Variants in ANKFN1 observed in about 807,000 individuals in gnomAD.
The protein encoded by ANKFN1 is ankyrin repeat and fibronectin type-III domain-containing protein 1.
In ANKFN1, 74 loss-of-function variants were observed where a neutral mutation model predicts 108.7. That is an observed-to-expected ratio of 0.68 (90% CI 0.56 to 0.83). The LOEUF is 0.83. ANKFN1 is among the 40% of genes least tolerant of loss of function. The probability of loss-of-function intolerance (pLI) is 0.00; values close to 1 mark genes in which losing one functional copy is unlikely to be tolerated. For missense variants in ANKFN1, 1,505 were observed against 1,382.3 expected (o/e 1.09, Z -1.41); for synonymous variants, 547 against 516.2 (o/e 1.06, Z -0.81).
At chr17:56,467,625 C>T (rs568210695) in intron 15 of ANKFN1, among the ~76,000 whole-genome samples, 84 of 144,992 alleles carry the variant, frequency 5.8e-4, no homozygotes, top group Middle Eastern at 3.6e-3. Context: ...TGCAGTGAGC[C>T]GAGATCACGC....
intron 4 of ANKFN1, among the ~76,000 whole-genome samples, chr17:56,090,174 T>A (rs1334300954): frequency 1.1e-4 from 16 of 151,186 alleles, no homozygotes; most frequent in Admixed American, 1.1e-3. Flanking sequence ...GGGCAGAGCA[T>A]GTCACGGAGT....
chr17:56,511,134 G>C lies in ANKFN1; in HGVS notation c.3306G>C (p.Gln1102His). ...VEPYAAAVVA[Q>H]DEKPWASLSP... ...CCTACGCAGCGGCCGTGGTGGCCCA[G>C]GACGAAAAACCATGGGCAAGCTTGA... Residue 1102 changes from glutamine (Q) to histidine (H), a missense_variant, in exon 21 of 21, where the codon CAG becomes CAC. Physicochemically the swap from Gln to His is conservative, Grantham distance 24 (BLOSUM62 0). Transcript: ENST00000682825. 1 of 1,536,036 alleles carries C rather than the reference G, an allele frequency of 6.5e-7. No individual in the cohort carries two copies. The highest frequency in any genetic ancestry group is 8.7e-7 in the Non-Finnish European group (1 of 1,146,864).
chr17:56,259,919 C>A lies in ANKFN1; in HGVS notation c.53+31962C>A, dbSNP rs557803023. On this transcript the variant is annotated intron_variant, in intron 3 of 20. Coordinates refer to ENST00000682825, the MANE Select transcript of ANKFN1 (RefSeq NM_001370326.1). ...CCCACCCCACCTCCAAACACACACA[C>A]ACACACACACACACACACACACACA... Among the ~76,000 whole-genome samples, 62 of 150,870 alleles carry A rather than the reference C, an allele frequency of 4.1e-4. 1 individual carries two copies. The South Asian group carries it at 0.012, about 29-fold the overall frequency.
At chr17:56,249,458 A>G (rs2043188736) in intron 3 of ANKFN1, among the ~76,000 whole-genome samples, 1 of 152,038 alleles carries the variant, frequency 6.6e-6, no homozygotes, top group South Asian at 2.1e-4. Context: ...AAAAAAGTCA[A>G]ATTAATTTCT....
chr17:56,311,455 C>T (rs2045023566), intron 3 of ANKFN1, among the ~76,000 whole-genome samples: 1 of 152,172 alleles, frequency 6.6e-6, no homozygotes, highest in African/African-American at 2.4e-5. Context: ...TTTTCAGTGC[C>T]AATGTGATGC....
intron 19 of ANKFN1, among the ~76,000 whole-genome samples, chr17:56,495,443 G>A (rs1186340547): frequency 6.6e-6 from 1 of 152,032 alleles, no homozygotes. Context: ...AGAAGTGACC[G>A]CCAGTTGTGA....
In ANKFN1 at chr17:56,421,084, G is replaced by A. The variant is rs77835547; in HGVS notation, c.911-19243G>A. Among the ~76,000 whole-genome samples the A allele has an allele frequency of 6.3e-3, 962 of 152,270 alleles. 17 individuals are homozygous for A. Among genetic ancestry groups the A allele is most frequent in the African/African-American group, 0.022 (894 of 41,558 alleles). ...TAATTAAAATACAAAAATGAAAATG[G>A]TCTCAGGGCCTGTTTCTGCCCTTAC... On this transcript the variant is annotated intron_variant, in intron 8 of 20. Transcript: ENST00000682825.
chr17:56,273,399 G>C lies in ANKFN1; in HGVS notation c.53+45442G>C, dbSNP rs149657790. Among the ~76,000 whole-genome samples the C allele has an allele frequency of 6.6e-3, 1,008 of 152,076 alleles. 14 individuals carry two copies. The highest frequency in any genetic ancestry group is 0.023 in the African/African-American group (959 of 41,480). On this transcript the variant is annotated intron_variant, in intron 3 of 20. Coordinates refer to ENST00000682825, the MANE Select transcript of ANKFN1 (RefSeq NM_001370326.1). ...TTTTTACTATTATAAATAATGTGCT[G>C]ACACACAAATCTTTGTCTGAATTTT...
At chr17:56,368,039 G>T in intron 6 of ANKFN1, 1 of 411,852 alleles carries the variant, frequency 2.4e-6, no homozygotes, top group Non-Finnish European at 4.0e-6. Context: ...TTTAAAATAA[G>T]GAAGTTGAAA....
At chr17:56,189,997 C>CAAAAAAAAA in intron 1 of ANKFN1, among the ~76,000 whole-genome samples, 1 of 143,258 alleles carries the variant, frequency 7.0e-6, no homozygotes, top group Non-Finnish European at 1.5e-5. Flanking sequence ...CATCCATGTG[C>CAAAAAAAAA]AAAAAAAAAA....
chr17:56,433,486 A>G (rs2048827530), intron 8 of ANKFN1, among the ~76,000 whole-genome samples: 1 of 152,162 alleles, frequency 6.6e-6, no homozygotes, highest in Admixed American at 6.5e-5. Flanking sequence ...ATGATGGAAT[A>G]CTACTCAGCC....
In ANKFN1 at chr17:56,238,939, T is replaced by C. The variant is rs149133100; in HGVS notation, c.53+10982T>C. ...GATACGATTGTGAATATTAAGTTGA[T>C]TTTTTTTCTCAAGTTACAATTTTTA... On this transcript the variant is annotated intron_variant, in intron 3 of 20. Transcript: ENST00000682825. Among the ~76,000 whole-genome samples, 842 of 152,040 alleles carry C rather than the reference T, an allele frequency of 5.5e-3. 6 individuals are homozygous for C. The highest frequency in any genetic ancestry group is 0.019 in the African/African-American group (806 of 41,478).
rs373170062 is a variant in ANKFN1 at position 56,466,514 on chromosome 17, G to C, written c.1716G>C (p.Lys572Asn). Reference sequence around the variant, plus strand: ...TCTCAAAGCTGCAAAGCCAGAGAAAGTCTCTATCAACACCTGAGGAGCCAA... The same window carrying C: ...TCTCAAAGCTGCAAAGCCAGAGAAACTCTCTATCAACACCTGAGGAGCCAA... The part of the protein sequence containing the change: ...MQISKLQSQR[K>N]SLSTPEEPTA... The change falls in exon 15 of 21, where the codon AAG becomes AAC. Residue 572 changes from lysine to asparagine, a missense_variant. Lys to Asn is a moderately conservative substitution (Grantham distance 94). Coordinates refer to ENST00000682825, the MANE Select transcript of ANKFN1 (RefSeq NM_001370326.1). 2 of 1,613,898 alleles carry C rather than the reference G, an allele frequency of 1.2e-6. No individual in the cohort carries two copies. Among genetic ancestry groups the C allele is most frequent in the African/African-American group, 2.7e-5 (2 of 74,902 alleles).
intron 3 of ANKFN1, among the ~76,000 whole-genome samples, chr17:56,259,811 C>T (rs1323969533): frequency 6.6e-6 from 1 of 151,808 alleles, no homozygotes; most frequent in Non-Finnish European, 1.5e-5. Flanking sequence ...CAAGTAAATT[C>T]TCTTCTGTTT....
In ANKFN1 at chr17:56,494,784, T is replaced by C. The variant is rs77882213; in HGVS notation, c.2427+2431T>C. On this transcript the variant is annotated intron_variant, in intron 19 of 20. Transcript: ENST00000682825. ...AGATATTTTTAGAGGAACACTTCTC[T>C]ACCCATGCCTTAGGTTCTGTTTCTG... Among the ~76,000 whole-genome samples, 828 of 152,250 alleles carry C rather than the reference T, an allele frequency of 5.4e-3. 8 individuals are homozygous for C. The highest frequency in any genetic ancestry group is 0.02 in the Middle Eastern group (6 of 294).
chr17:56,089,750 T>C (rs1483265363), intron 4 of ANKFN1, among the ~76,000 whole-genome samples: 1 of 151,384 alleles, frequency 6.6e-6, no homozygotes, highest in Admixed American at 6.6e-5. Context: ...TAGGGTGTAA[T>C]GGAAGCAGCA....
intron 3 of ANKFN1, chr17:56,245,846 TAA>T (rs780724621): frequency 1.3e-5 from 2 of 152,114 alleles, no homozygotes; most frequent in Admixed American, 1.3e-4. Context: ...GTTATAGCAC[TAA>T]GTCATGTTTT....
At chr17:56,274,920 G>T (rs192893214) in intron 3 of ANKFN1, among the ~76,000 whole-genome samples, 1 of 152,226 alleles carries the variant, frequency 6.6e-6, no homozygotes, top group East Asian at 1.9e-4. Context: ...TGTACCTTGC[G>T]GTTATCACTT....
intron 3 of ANKFN1, among the ~76,000 whole-genome samples, chr17:56,241,202 A>G (rs1046916184): frequency 6.6e-6 from 1 of 152,154 alleles, no homozygotes; most frequent in African/African-American, 2.4e-5. Context: ...TGAGCCTAAG[A>G]GTTCAAGTCT....
Sources: gnomAD v4.1 joint callset for allele counts (sites outside exome capture counted in the v4.1 genomes callset) on GRCh38, gnomAD v4.1.1 for gene constraint, MANE v1.5 for transcripts, NCBI Gene and HGNC (gene_info 2026-07-23, HGNC 2026-07-21) for gene names.